MACROD2: variants seen among roughly 807,000 people sequenced by gnomAD.
MACROD2 encodes the protein mono-ADP ribosylhydrolase 2.
MACROD2 carries 36 observed loss-of-function variants against 70.4 expected under a neutral mutation model. That is an observed-to-expected ratio of 0.51 (90% CI 0.39 to 0.68). The LOEUF (loss-of-function observed/expected upper bound fraction) is 0.68, where lower values mean the gene tolerates loss of function less well. MACROD2 is among the 30% of genes least tolerant of loss of function. The probability of loss-of-function intolerance (pLI) is 0.00; values close to 1 mark genes in which losing one functional copy is unlikely to be tolerated. For missense variants in MACROD2, 496 were observed against 538.4 expected, an observed-to-expected ratio of 0.92 and a Z score of 0.78; for synonymous variants, 172 against 178.8, an observed-to-expected ratio of 0.96 and a Z score of 0.30.
intron 5 of MACROD2, among the ~76,000 whole-genome samples, chr20:15,003,741 G>A (rs2075013966): frequency 6.6e-6 from 1 of 152,172 alleles, no homozygotes; most frequent in Non-Finnish European, 1.5e-5. Flanking sequence ...AAGGCTACAG[G>A]CTGGAGAGAG....
intron 5 of MACROD2, among the ~76,000 whole-genome samples, chr20:15,227,826 T>TTTTTTTTTTG (rs2076921760): frequency 9.0e-6 from 1 of 111,554 alleles, no homozygotes; most frequent in African/African-American, 3.5e-5. Flanking sequence ...TTCACCTGTT[T>TTTTTTTTTTG]TTTTTTTTTT....
chr20:16,033,017 G>A (rs1361081908), intron 15 of MACROD2, among the ~76,000 whole-genome samples: 1 of 151,960 alleles, frequency 6.6e-6, no homozygotes, highest in Non-Finnish European at 1.5e-5. Flanking sequence ...CATTACTTTT[G>A]ACTAAAAACA....
At chr20:15,570,759 T>C (rs1390631422) in intron 8 of MACROD2, among the ~76,000 whole-genome samples, 1 of 152,156 alleles carries the variant, frequency 6.6e-6, no homozygotes, top group East Asian at 1.9e-4. Flanking sequence ...ATCCTCAGAT[T>C]CACTCGAATT....
At chr20:15,902,143 A>G (rs1601093543) in intron 10 of MACROD2, among the ~76,000 whole-genome samples, 1 of 152,214 alleles carries the variant, frequency 6.6e-6, no homozygotes, top group African/African-American at 2.4e-5. Context: ...AAATGATGCT[A>G]CTGCAGAAAC....
chr20:14,136,844 C>T (rs564974643), intron 3 of MACROD2, among the ~76,000 whole-genome samples: 2 of 152,284 alleles, frequency 1.3e-5, no homozygotes, highest in South Asian at 4.1e-4. Context: ...TTTTTCTGAA[C>T]CTTAACATTC....
At chr20:15,317,059 G>T (rs1207480061) in intron 6 of MACROD2, among the ~76,000 whole-genome samples, 1 of 152,002 alleles carries the variant, frequency 6.6e-6, no homozygotes, top group Non-Finnish European at 1.5e-5. Flanking sequence ...AGAAAAAGCA[G>T]TGCTCAGAGG....
At chr20:14,054,864 A>T (rs1419330797) in intron 2 of MACROD2, among the ~76,000 whole-genome samples, 1 of 151,616 alleles carries the variant, frequency 6.6e-6, no homozygotes, top group East Asian at 1.9e-4. Flanking sequence ...TAGAAGAATT[A>T]TTTATCTGTC....
At chr20:15,886,963 T>A (rs1024645349) in intron 10 of MACROD2, among the ~76,000 whole-genome samples, 3 of 152,122 alleles carry the variant, frequency 2.0e-5, no homozygotes, top group Non-Finnish European at 4.4e-5. Context: ...AGTCTATGAT[T>A]AAAAGCTCCT....
At chr20:14,092,566 T>C (rs553257099) in intron 3 of MACROD2, among the ~76,000 whole-genome samples, 1 of 152,364 alleles carries the variant, frequency 6.6e-6, no homozygotes, top group South Asian at 2.1e-4. Flanking sequence ...ACCTAAATTA[T>C]CTTTTTCTAG....
intron 2 of MACROD2, among the ~76,000 whole-genome samples, chr20:14,043,328 G>A (rs2053421139): frequency 3.3e-5 from 5 of 152,150 alleles, no homozygotes; most frequent in Admixed American, 3.3e-4. Context: ...AGAACACAGG[G>A]ATACACATTT....
chr20:14,797,333 A>T (rs536442210), intron 5 of MACROD2, among the ~76,000 whole-genome samples: 10 of 152,042 alleles, frequency 6.6e-5, no homozygotes, highest in African/African-American at 2.4e-4. Context: ...TGCCTTTGGG[A>T]TCATGACCAA....
chr20:14,558,752 T>C (rs962399575), intron 4 of MACROD2, among the ~76,000 whole-genome samples: 6 of 151,826 alleles, frequency 4.0e-5, no homozygotes, highest in African/African-American at 1.4e-4. Flanking sequence ...TATAATAGTC[T>C]TTAATTATGG....
At chr20:14,974,330 T>C (rs2074718529) in intron 5 of MACROD2, among the ~76,000 whole-genome samples, 2 of 152,150 alleles carry the variant, frequency 1.3e-5, no homozygotes, top group Non-Finnish European at 2.9e-5. Context: ...TGGAAAAAGT[T>C]TGAATATGGG....
chr20:14,920,238 C>T (rs2122633850), intron 5 of MACROD2, among the ~76,000 whole-genome samples: 1 of 152,292 alleles, frequency 6.6e-6, no homozygotes, highest in East Asian at 1.9e-4. Flanking sequence ...GCTCAACTTT[C>T]TTTTGCCCCA....
At position 15,938,754 on chromosome 20, in the gene MACROD2, A is replaced by C. The variant is rs184516585; in HGVS notation, c.907+1210A>C. On this transcript the variant is annotated intron_variant, in intron 12 of 17. Coordinates refer to ENST00000684519, the MANE Select transcript of MACROD2 (RefSeq NM_001351661.2). Reference sequence around the variant, plus strand: ...TAGCTATGTTTAAGCTTAATGAGGAAGGTAGGTATGTTGAAATCTGAGATA... The same window carrying C: ...TAGCTATGTTTAAGCTTAATGAGGACGGTAGGTATGTTGAAATCTGAGATA... 7.2e-5 allele frequency among the ~76,000 whole-genome samples: 11 copies of C among 152,314 alleles called. 1 individual carries two copies. The highest frequency in any genetic ancestry group is 2.6e-4 in the African/African-American group (11 of 41,566).
intron 8 of MACROD2, among the ~76,000 whole-genome samples, chr20:15,606,321 C>T (rs1044651893): frequency 2.6e-5 from 4 of 152,192 alleles, no homozygotes; most frequent in Admixed American, 2.6e-4. Context: ...AGGCTTCTGA[C>T]TTCTCACACA....
intron 8 of MACROD2, among the ~76,000 whole-genome samples, chr20:15,624,973 G>T (rs932895931): frequency 6.6e-6 from 1 of 151,992 alleles, no homozygotes; most frequent in Non-Finnish European, 1.5e-5. Context: ...AGTCTTTTTG[G>T]TATGGTTCTT....
intron 3 of MACROD2, among the ~76,000 whole-genome samples, chr20:14,220,775 T>C (rs1481161207): frequency 6.6e-6 from 1 of 152,178 alleles, no homozygotes; most frequent in Non-Finnish European, 1.5e-5. Flanking sequence ...AAACTTCTCC[T>C]GCAAACAGAC....
intron 5 of MACROD2, among the ~76,000 whole-genome samples, chr20:14,969,745 A>G (rs2074673291): frequency 6.6e-6 from 1 of 152,148 alleles, no homozygotes; most frequent in Admixed American, 6.5e-5. Flanking sequence ...AGTTTTATTC[A>G]TTTATATTAG....
Sources: gnomAD v4.1 joint callset for allele counts (sites outside exome capture counted in the v4.1 genomes callset) on GRCh38, gnomAD v4.1.1 for gene constraint, MANE v1.5 for transcripts, NCBI Gene and HGNC (gene_info 2026-07-23, HGNC 2026-07-21) for gene names.